MUC13: variants seen among roughly 807,000 people sequenced by gnomAD.
MUC13 encodes mucin 13, cell surface associated.
Under a neutral mutation model 48.3 loss-of-function variants are expected in MUC13, and 32 were observed. The ratio of observed to expected loss-of-function variants is 0.66; its 90% CI spans 0.50 to 0.89. MUC13 has a LOEUF of 0.89. MUC13 is among the 40% of genes least tolerant of loss of function. MUC13 has a pLI of 0.00. For missense variants in MUC13, 571 were observed against 622.8 expected (o/e 0.92, Z 0.88); for synonymous variants, 199 against 224.9 (o/e 0.88, Z 1.03).
intron 11 of MUC13, 70 bp from the exon 12 acceptor site, chr3:124,906,812 T>C (rs921598404): frequency 4.6e-5 from 7 of 152,236 alleles, no homozygotes; most frequent in Non-Finnish European, 7.3e-5. Flanking sequence ...TGAGATCGTT[T>C]AGATCTGTAA....
Position 124,908,363 on chromosome 3 carries a change from A to G in MUC13, c.1338-15T>C. The G allele has an allele frequency of 1.2e-6, 2 of 1,605,456 alleles. No individual in the cohort carries two copies. Among genetic ancestry groups the G allele is most frequent in the Non-Finnish European group, 1.7e-6 (2 of 1,172,560 alleles). The stretch of plus-strand genomic sequence containing the variant: ...TGTTATTTGATCTGTAATCAGTAAG[A>G]GGAATTAGGATTTGACAATGGCAGA... On this transcript the variant is annotated splice_polypyrimidine_tract_variant and intron_variant, in intron 10 of 11. Coordinates refer to ENST00000616727, the MANE Select transcript of MUC13 (RefSeq NM_033049.4).
chr3:124,917,140 C>T (rs1249485473), intron 5 of MUC13, among the ~76,000 whole-genome samples: 1 of 152,140 alleles, frequency 6.6e-6, no homozygotes, highest in Non-Finnish European at 1.5e-5. Flanking sequence ...CTCTCTCTCT[C>T]TCTCTAATCA....
At chr3:124,928,742 G>A (rs764715565) in intron 1 of MUC13, among the ~76,000 whole-genome samples, 6 of 152,190 alleles carry the variant, frequency 3.9e-5, no homozygotes, top group East Asian at 1.9e-4. Flanking sequence ...CTGTAGTCAC[G>A]TAACTGTAGA....
At chr3:124,907,799 A>G (rs1367904843) in intron 11 of MUC13, among the ~76,000 whole-genome samples, 1 of 152,174 alleles carries the variant, frequency 6.6e-6, no homozygotes, top group Non-Finnish European at 1.5e-5. Flanking sequence ...CTGAGGACCT[A>G]GGTCTTCAAA....
At chr3:124,931,858 T>C (rs1008003618) in intron 1 of MUC13, among the ~76,000 whole-genome samples, 14 of 151,856 alleles carry the variant, frequency 9.2e-5, no homozygotes, top group African/African-American at 2.7e-4. Flanking sequence ...GCCTGGCCAA[T>C]GTAGTGAAAC....
intron 1 of MUC13, among the ~76,000 whole-genome samples, chr3:124,932,226 T>C (rs1024908455): frequency 6.6e-6 from 1 of 152,108 alleles, no homozygotes; most frequent in African/African-American, 2.4e-5. Context: ...GCATTACTTG[T>C]ATAACTTTTT....
chr3:124,919,810 T>A (rs1935563350), intron 5 of MUC13, among the ~76,000 whole-genome samples: 1 of 152,070 alleles, frequency 6.6e-6, no homozygotes, highest in Admixed American at 6.6e-5. Context: ...GGAGTGTGAT[T>A]TGGGTGTTCT....
chr3:124,918,368 C>T (rs1935540957), intron 5 of MUC13, among the ~76,000 whole-genome samples: 1 of 152,160 alleles, frequency 6.6e-6, no homozygotes, highest in African/African-American at 2.4e-5. Context: ...AGGTTTGCCT[C>T]CAAACACCCT....
At chr3:124,932,666 C>A (rs1935818052) in intron 1 of MUC13, among the ~76,000 whole-genome samples, 1 of 152,074 alleles carries the variant, frequency 6.6e-6, no homozygotes, top group Non-Finnish European at 1.5e-5. Flanking sequence ...AGGCAGTATC[C>A]CGGCACATCA....
chr3:124,915,672 C>T (rs1037162098), intron 6 of MUC13, among the ~76,000 whole-genome samples: 2 of 152,128 alleles, frequency 1.3e-5, no homozygotes, highest in Admixed American at 1.3e-4. Flanking sequence ...ATGGTGGGTT[C>T]GTGTGTGTCT....
rs1270989471 is a variant in MUC13, at chr3:124,922,294, A to C, written c.647T>G (p.Phe216Cys). 2 of 1,613,714 alleles carry C rather than the reference A, an allele frequency of 1.2e-6. No homozygotes were observed. The highest frequency in any genetic ancestry group is 1.7e-6 in the Non-Finnish European group (2 of 1,179,876). The change falls in exon 4 of 12, where the codon TTC becomes TGC. Residue 216 changes from phenylalanine (F) to cysteine (C), a missense_variant. By Grantham distance (205) the Phe-to-Cys change is radical. Transcript: ENST00000616727. The part of the protein sequence containing the change: ...NSSTCKKGKV[F>C]PGKISVTVSE... ...TACTGTCACTGAAATCTTCCCAGGG[A>C]ATACCTTTCCTGAAAGTTAAGCAGA...
intron 8 of MUC13, 73 bp downstream of exon 8, chr3:124,913,038 T>C: frequency 3.8e-6 from 6 of 1,558,536 alleles, no homozygotes; most frequent in South Asian, 1.2e-5. Context: ...AACACCTATA[T>C]ACGTGTTGTA....
At chr3:124,926,633 C>T (rs2107672990) in intron 2 of MUC13, among the ~76,000 whole-genome samples, 1 of 152,286 alleles carries the variant, frequency 6.6e-6, no homozygotes, top group Non-Finnish European at 1.5e-5. Flanking sequence ...AGTCATGGCC[C>T]TCACTGGGTC....
In MUC13 at chr3:124,920,390, T is replaced by A. The variant is rs962162677; in HGVS notation, c.745-101A>T. ...AAAAAAATAATGCTCTATCTAGCTT[T>A]TAACAGGATCCAACTGGGTAGAAAA... On this transcript the variant is annotated intron_variant, in intron 4 of 11. Transcript: ENST00000616727. 4 of 919,090 alleles carry A rather than the reference T, an allele frequency of 4.4e-6. No homozygotes were observed. In the Admixed American group the frequency reaches 9.3e-5, roughly 21 times the overall value. The allele number at this position is 919,090 out of a possible 1,614,324, so 56.9% of individuals were successfully genotyped here. A position where few individuals can be genotyped will look rare whatever the true frequency, so the allele number is the denominator to read the frequency against.
At chr3:124,920,405 T>G in intron 4 of MUC13, 116 bp from the exon 5 acceptor site, 2 of 787,064 alleles carry the variant, frequency 2.5e-6, no homozygotes, top group Non-Finnish European at 4.1e-6. Context: ...AGGATCCAAC[T>G]GGGTAGAAAA....
rs772970246 is a variant in MUC13 at position 124,912,085 on chromosome 3, G to C, written c.1252+19C>G. 3 of 1,611,058 alleles carry C rather than the reference G, an allele frequency of 1.9e-6. No individual in the cohort carries two copies. Among genetic ancestry groups the C allele is most frequent in the Non-Finnish European group, 2.5e-6 (3 of 1,178,622 alleles). On this transcript the variant is annotated intron_variant, in intron 9 of 11. Coordinates refer to ENST00000616727, the MANE Select transcript of MUC13 (RefSeq NM_033049.4). ...GATGTTTAATAACTTGTTTATAATA[G>C]CAAGACTTTCATACTCACTGTCCTT...
chr3:124,908,362 G>A lies in MUC13; in HGVS notation c.1338-14C>T, dbSNP rs765484509. 2 of 1,605,430 alleles carry A rather than the reference G, an allele frequency of 1.2e-6. No individual in the cohort carries two copies. The highest frequency in any genetic ancestry group is 2.2e-5 in the South Asian group (2 of 90,768). ...TTGTTATTTGATCTGTAATCAGTAAGAGGAATTAGGATTTGACAATGGCAG... is the reference window on the plus strand; with the variant it reads ...TTGTTATTTGATCTGTAATCAGTAAAAGGAATTAGGATTTGACAATGGCAG... On this transcript the variant is annotated splice_polypyrimidine_tract_variant and intron_variant, in intron 10 of 11. Coordinates refer to ENST00000616727, the MANE Select transcript of MUC13 (RefSeq NM_033049.4).
chr3:124,917,464 A>C (rs994677163), intron 5 of MUC13, among the ~76,000 whole-genome samples: 1 of 151,550 alleles, frequency 6.6e-6, no homozygotes, highest in East Asian at 1.9e-4. Context: ...CTGCCGCCTC[A>C]GTCTCCCAAG....
intron 2 of MUC13, among the ~76,000 whole-genome samples, chr3:124,926,116 C>T (rs907509220): frequency 1.3e-4 from 20 of 152,182 alleles, no homozygotes; most frequent in Admixed American, 4.6e-4. Flanking sequence ...AAGAATGTGT[C>T]TCCTTCTGGA....
Sources: allele counts gnomAD v4.1 joint callset (sites outside exome capture counted in the v4.1 genomes callset), GRCh38; gene constraint gnomAD v4.1.1; transcripts MANE v1.5; gene names NCBI Gene and HGNC (gene_info 2026-07-23, HGNC 2026-07-21).